The following NPAS2 variants were observed in gnomAD, a reference collection of about 807,000 sequenced individuals.
The protein encoded by NPAS2 is neuronal PAS domain protein 2, also known as neuronal PAS domain-containing protein 2.
Under a neutral mutation model 107.5 loss-of-function variants are expected in NPAS2, and 23 were observed. The ratio of observed to expected loss-of-function variants is 0.21; its 90% CI spans 0.15 to 0.30. NPAS2 has a LOEUF of 0.30. Ranked by LOEUF, NPAS2 falls within the 10% of genes least tolerant of loss-of-function variation. The pLI is 1.00. For missense variants in NPAS2, 756 were observed against 1,043.3 expected (o/e 0.72, Z 3.79); for synonymous variants, 403 against 417.5 (o/e 0.97, Z 0.42).
At position 100,932,919 on chromosome 2, in the gene NPAS2, C is replaced by T. The variant is rs183671025; in HGVS notation, c.191C>T (p.Ala64Val). Residue 64 changes from alanine (A) to valine (V), a missense_variant, in exon 4 of 21, where the codon GCG (alanine) becomes GTG (valine). Physicochemically the swap from Ala to Val is moderately conservative, Grantham distance 64 (BLOSUM62 0). Transcript: ENST00000335681. Reference sequence around the variant, plus strand: ...TGTGTCTCTTTTCTAGAAGTCTCAGCGCAAACGGAAATCTGTGACATTCAG... The same window carrying T: ...TGTGTCTCTTTTCTAGAAGTCTCAGTGCAAACGGAAATCTGTGACATTCAG... ...GFLQKHNEVS[A>V]QTEICDIQQD... The T allele has an allele frequency of 1.9e-5, 31 of 1,612,850 alleles. No individual in the cohort carries two copies. The Admixed American group carries it at 2.8e-4, about 15-fold the overall frequency.
At chr2:100,938,238 T>C (rs189119140) in intron 5 of NPAS2, among the ~76,000 whole-genome samples, 2 of 152,222 alleles carry the variant, frequency 1.3e-5, no homozygotes, top group Non-Finnish European at 2.9e-5. Context: ...TGGCTTGGGT[T>C]GAAACACGGT....
At chr2:100,923,817 C>T (rs890040903) in intron 2 of NPAS2, among the ~76,000 whole-genome samples, 1 of 152,166 alleles carries the variant, frequency 6.6e-6, no homozygotes, top group Non-Finnish European at 1.5e-5. Context: ...TGATGAAGGG[C>T]CTGTGGCGTG....
chr2:100,989,922 G>A lies in NPAS2; in HGVS notation c.1828-334G>A, dbSNP rs192712354. 517 of 261,584 alleles carry A rather than the reference G, an allele frequency of 2.0e-3. 3 individuals carry two copies. The highest frequency in any genetic ancestry group is 3.3e-3 in the Non-Finnish European group (450 of 136,312). The allele number at this position is 261,584 out of a possible 1,614,324, so 16.2% of individuals were successfully genotyped here. A position where few individuals can be genotyped will look rare whatever the true frequency, so the allele number is the denominator to read the frequency against. The stretch of plus-strand genomic sequence containing the variant: ...GAGCATTCTACAGAGCAGTCAGCTC[G>A]TGCAAAGGCCCTAGGGCAGGAGTAG... On this transcript the variant is annotated intron_variant, in intron 17 of 20. Transcript: ENST00000335681.
intron 1 of NPAS2, chr2:100,821,182 A>G: frequency 7.7e-7 from 1 of 1,303,710 alleles, no homozygotes; most frequent in Non-Finnish European, 1.0e-6. Context: ...TCTGCTTGCC[A>G]CTCCTTAATT....
intron 1 of NPAS2, among the ~76,000 whole-genome samples, chr2:100,889,055 T>C (rs532957543): frequency 1.3e-5 from 2 of 152,326 alleles, no homozygotes; most frequent in Admixed American, 6.5e-5. Flanking sequence ...ATCTTTAATA[T>C]ACAACATGAA....
chr2:100,873,307 T>TATATATATACACACAC (rs1280164445), intron 1 of NPAS2, among the ~76,000 whole-genome samples: 28 of 41,888 alleles, frequency 6.7e-4, no homozygotes, highest in Non-Finnish European at 1.2e-3. Flanking sequence ...TATATATATA[T>TATATATATACACACAC]ACACACACAC....
intron 1 of NPAS2, among the ~76,000 whole-genome samples, chr2:100,899,501 G>T (rs1381553396): frequency 1.3e-5 from 2 of 152,142 alleles, no homozygotes; most frequent in Non-Finnish European, 1.5e-5. Flanking sequence ...GGGATTACAG[G>T]TGTGAGCCAC....
intron 2 of NPAS2, among the ~76,000 whole-genome samples, chr2:100,910,259 G>C (rs1682455789): frequency 6.6e-6 from 1 of 152,100 alleles, no homozygotes; most frequent in Non-Finnish European, 1.5e-5. Context: ...CCAATTAAAT[G>C]GTGCCTGTGT....
chr2:100,856,883 T>C (rs1678606065), intron 1 of NPAS2, among the ~76,000 whole-genome samples: 1 of 152,098 alleles, frequency 6.6e-6, no homozygotes, highest in Non-Finnish European at 1.5e-5. Context: ...TCAGAGCAGG[T>C]AGTAAGACAG....
chr2:100,992,796 T>C (rs1219910792), intron 19 of NPAS2, among the ~76,000 whole-genome samples: 1 of 152,214 alleles, frequency 6.6e-6, no homozygotes, highest in Admixed American at 6.5e-5. Context: ...GTTGTGGAGT[T>C]GTAGGCATTC....
intron 2 of NPAS2, among the ~76,000 whole-genome samples, chr2:100,923,449 C>T (rs1452839618): frequency 6.6e-6 from 1 of 152,106 alleles, no homozygotes; most frequent in Non-Finnish European, 1.5e-5. Context: ...TTATGGTCCT[C>T]GTGATGTCTA....
At chr2:100,842,073 A>G (rs1481134772) in intron 1 of NPAS2, among the ~76,000 whole-genome samples, 1 of 127,942 alleles carries the variant, frequency 7.8e-6, no homozygotes, top group Admixed American at 7.8e-5. Flanking sequence ...ATGAGTGTGC[A>G]TGTACGCGCA....
At chr2:100,834,424 A>G (rs1366525980) in intron 1 of NPAS2, among the ~76,000 whole-genome samples, 1 of 152,212 alleles carries the variant, frequency 6.6e-6, no homozygotes, top group African/African-American at 2.4e-5. Context: ...AACAAGGACA[A>G]GGATGGACAC....
intron 1 of NPAS2, among the ~76,000 whole-genome samples, chr2:100,860,333 G>A (rs181495383): frequency 2.0e-5 from 3 of 152,288 alleles, no homozygotes; most frequent in East Asian, 3.9e-4. Flanking sequence ...TGTATCAGAC[G>A]ACCATGCTGT....
At chr2:100,925,333 C>A in intron 3 of NPAS2, 39 bp downstream of exon 3, 1 of 1,604,698 alleles carries the variant, frequency 6.2e-7, no homozygotes, top group Non-Finnish European at 8.5e-7. Flanking sequence ...TTCCACCCTG[C>A]CCCGTCCATG....
At chr2:100,871,559 G>A (rs1679589326) in intron 1 of NPAS2, among the ~76,000 whole-genome samples, 1 of 151,880 alleles carries the variant, frequency 6.6e-6, no homozygotes, top group African/African-American at 2.4e-5. Context: ...TTGAACTCCT[G>A]GCCTCAAGTG....
At chr2:100,941,178 G>A (rs753407151) in intron 5 of NPAS2, among the ~76,000 whole-genome samples, 3 of 152,178 alleles carry the variant, frequency 2.0e-5, no homozygotes, top group Non-Finnish European at 2.9e-5. Context: ...ATAGATTTTC[G>A]TACAGCAATT....
At chr2:100,876,508 G>A (rs1679978979) in intron 1 of NPAS2, among the ~76,000 whole-genome samples, 1 of 152,154 alleles carries the variant, frequency 6.6e-6, no homozygotes, top group Non-Finnish European at 1.5e-5. Flanking sequence ...CTGCCCTAGG[G>A]GCCCAGGAAT....
At chr2:100,929,237 A>G (rs2104920391) in intron 3 of NPAS2, among the ~76,000 whole-genome samples, 1 of 152,340 alleles carries the variant, frequency 6.6e-6, no homozygotes, top group Admixed American at 6.5e-5. Context: ...TCCATTGCAC[A>G]GATGAGACAC....
Sources: gnomAD v4.1 joint callset for allele counts (sites outside exome capture counted in the v4.1 genomes callset) on GRCh38, gnomAD v4.1.1 for gene constraint, MANE v1.5 for transcripts, NCBI Gene and HGNC (gene_info 2026-07-23, HGNC 2026-07-21) for gene names.